Variants in XPO5 observed in about 807,000 individuals in gnomAD.
The protein encoded by XPO5 is exportin-5.
A neutral mutation model predicts 160.6 loss-of-function variants in XPO5; 46 were observed. The ratio of observed to expected loss-of-function variants is 0.29; its 90% CI spans 0.23 to 0.37. The LOEUF is 0.37. Among genes scored for constraint, XPO5 ranks in the 10% least tolerant of loss-of-function variants. The pLI is 1.00. For missense variants in XPO5, 1,090 were observed against 1,463.9 expected (o/e 0.74, Z 4.17); for synonymous variants, 537 against 519.3 (o/e 1.03, Z -0.46).
Position 43,568,720 on chromosome 6 carries a change from C to A in XPO5, c.639G>T (p.Gln213His). ...KYQQVKTDTS[Q>H]ESKAQANCRV... ...TATAAAGAGCTCTTACCTTTGACTC[C>A]TGAGAAGTATCTGTCTTCTGAAAGG... is the stretch of plus-strand genomic sequence containing the variant. The change falls in exon 6 of 32, where the codon CAG (glutamine) becomes CAT (histidine). Residue 213 changes from glutamine to histidine, a missense_variant. Coordinates refer to ENST00000265351, the MANE Select transcript of XPO5 (RefSeq NM_020750.3). 1.9e-6 allele frequency: 3 copies of A among 1,578,322 alleles called. No homozygotes were observed. Among genetic ancestry groups the A allele is most frequent in the Non-Finnish European group, 2.6e-6 (3 of 1,160,136 alleles).
At chr6:43,571,133 A>G in intron 3 of XPO5, 139 bp from the exon 4 acceptor site, 2 of 863,228 alleles carry the variant, frequency 2.3e-6, no homozygotes, top group Non-Finnish European at 1.8e-6. Flanking sequence ...CCTGTTCTTC[A>G]GCCTGAGTCA....
At position 43,575,835 on chromosome 6, in the gene XPO5, G is replaced by A. The variant is rs1201439653; in HGVS notation, c.30C>T (p.Cys10=). Reference sequence around the variant, plus strand: ...CCGTCACCGCTTTCACCAGCTGCTCGCACAGCGCGTTTACTTGATCCATCG... The same window carrying A: ...CCGTCACCGCTTTCACCAGCTGCTCACACAGCGCGTTTACTTGATCCATCG... MAMDQVNAL[C]EQLVKAVTVM... is the part of the protein sequence containing the mutation. Residue 10 remains cysteine (C), a synonymous_variant, in exon 1 of 32, where the codon TGC becomes TGT. Transcript: ENST00000265351. The A allele has an allele frequency of 3.7e-6, 6 of 1,613,738 alleles. No homozygotes were observed. In the African/African-American group the frequency reaches 5.3e-5, roughly 14 times the overall value.
At chr6:43,538,154 T>G (rs1794465912) in intron 20 of XPO5, among the ~76,000 whole-genome samples, 1 of 135,986 alleles carries the variant, frequency 7.4e-6, no homozygotes, top group Non-Finnish European at 1.6e-5. Context: ...TTTTTTTTTT[T>G]TTTTTTTTTT....
intron 28 of XPO5, 68 bp downstream of exon 28, chr6:43,525,771 C>G: frequency 6.6e-7 from 1 of 1,526,452 alleles, no homozygotes; most frequent in Middle Eastern, 1.7e-4. Context: ...CACCATAGAG[C>G]AAGAAAAGTA....
chr6:43,550,681 TTG>T (rs1213319566), intron 15 of XPO5, among the ~76,000 whole-genome samples: 1 of 152,340 alleles, frequency 6.6e-6, no homozygotes, highest in African/African-American at 2.4e-5. Flanking sequence ...AGCCAATTTA[TTG>T]TGAGATGTCT....
chr6:43,568,085 G>C (rs1404547422), intron 6 of XPO5, among the ~76,000 whole-genome samples: 2 of 151,866 alleles, frequency 1.3e-5, no homozygotes, highest in African/African-American at 4.8e-5. Flanking sequence ...GAGGAGGGCG[G>C]ATGATGAGGT....
intron 29 of XPO5, 69 bp from the exon 30 acceptor site, chr6:43,525,037 GA>G: frequency 1.9e-6 from 3 of 1,585,550 alleles, no homozygotes; most frequent in Non-Finnish European, 8.6e-7. Flanking sequence ...CAGTTCTTCT[GA>G]ATGATTTAGT....
At chr6:43,558,039 G>A (rs1243339303) in intron 12 of XPO5, among the ~76,000 whole-genome samples, 3 of 151,416 alleles carry the variant, frequency 2.0e-5, no homozygotes, top group Admixed American at 6.6e-5. Context: ...AGGTTGTGGT[G>A]AGCCGAGATC....
intron 20 of XPO5, among the ~76,000 whole-genome samples, chr6:43,546,058 G>C (rs1258101847): frequency 6.6e-6 from 1 of 152,108 alleles, no homozygotes; most frequent in Non-Finnish European, 1.5e-5. Flanking sequence ...ACTCAGCTTT[G>C]AGAACCAAGG....
Position 43,524,525 on chromosome 6 carries a change from C to T in XPO5, c.3423G>A (p.Val1141=). 6.2e-7 allele frequency: 1 copy of T among 1,613,906 alleles called. No homozygotes were observed. The highest frequency in any genetic ancestry group is 8.5e-7 in the Non-Finnish European group (1 of 1,179,878). ...ATTGGTCCTTTCGGCGCTTGTCAGC[C>T]ACTTTCTGCAGGGAGGGGTTTAAAA... ...CKLLNPSLQK[V]ADKRRKDQFK... is the part of the protein sequence containing the mutation. The change falls in exon 31 of 32, where the codon GTG becomes GTA. Residue 1141 remains valine (V), a synonymous_variant. Transcript: ENST00000265351.
At chr6:43,569,549 C>T (rs1161099679) in intron 5 of XPO5, among the ~76,000 whole-genome samples, 1 of 151,886 alleles carries the variant, frequency 6.6e-6, no homozygotes, top group Non-Finnish European at 1.5e-5. Context: ...GCCTGACCAA[C>T]ATGGTGAAAC....
intron 13 of XPO5, 69 bp from the exon 14 acceptor site, chr6:43,553,572 A>T (rs923771587): frequency 3.3e-6 from 5 of 1,510,484 alleles, no homozygotes; most frequent in Non-Finnish European, 4.4e-6. Flanking sequence ...GAAAGATCGC[A>T]GAAGACACAG....
chr6:43,528,625 G>T (rs1183765818), intron 24 of XPO5, among the ~76,000 whole-genome samples: 1 of 152,156 alleles, frequency 6.6e-6, no homozygotes, highest in South Asian at 2.1e-4. Context: ...AACTGAAGCT[G>T]TCTTGTGGCA....
intron 18 of XPO5, 95 bp downstream of exon 18, chr6:43,548,166 C>T: frequency 8.1e-7 from 1 of 1,240,772 alleles, no homozygotes; most frequent in African/African-American, 1.5e-5. Flanking sequence ...CATCACACTT[C>T]AATATCCTTA....
intron 19 of XPO5, 118 bp from the exon 20 acceptor site, chr6:43,546,870 T>C (rs1794989175): frequency 2.0e-6 from 2 of 1,016,958 alleles, no homozygotes; most frequent in Non-Finnish European, 2.8e-6. Context: ...GAGAATGAAA[T>C]AATCCTCTGC....
chr6:43,551,615 C>CT (rs1242414403), intron 14 of XPO5, among the ~76,000 whole-genome samples, 162 bp from the exon 15 acceptor site: 2 of 152,286 alleles, frequency 1.3e-5, no homozygotes, highest in African/African-American at 4.8e-5. Context: ...ACCTCAAACT[C>CT]TTGAGCTCAA....
chr6:43,531,212 C>T lies in XPO5; in HGVS notation c.2540+267G>A, dbSNP rs79284743. On this transcript the variant is annotated intron_variant, in intron 22 of 31. Coordinates refer to ENST00000265351, the MANE Select transcript of XPO5 (RefSeq NM_020750.3). ...AAGCAATCCCCACCACTTTTAGCTT[C>T]GACTTGGGTTTCATCATTTTATACA... 0.033 allele frequency among the ~76,000 whole-genome samples: 4,988 copies of T among 150,684 alleles called. 266 individuals carry two copies. Among genetic ancestry groups the T allele is most frequent in the African/African-American group, 0.11 (4,614 of 41,416 alleles).
chr6:43,525,206 A>G lies in XPO5; in HGVS notation c.3075T>C (p.Cys1025=). Residue 1025 remains cysteine (C), a synonymous_variant, in exon 29 of 32, where the codon TGT becomes TGC. Coordinates refer to ENST00000265351, the MANE Select transcript of XPO5 (RefSeq NM_020750.3). The part of the protein sequence containing the change: ...GKCLMKHEDV[C]TALLITAFNS... The stretch of plus-strand genomic sequence containing the variant: ...TGAAGGCTGTAATTAATAGCGCTGT[A>G]CAAACATCCTGAACAGGAAAAGATG... 6.3e-7 allele frequency: 1 copy of G among 1,575,600 alleles called. No homozygotes were observed. The highest frequency in any genetic ancestry group is 8.6e-7 in the Non-Finnish European group (1 of 1,159,592).
intron 12 of XPO5, among the ~76,000 whole-genome samples, chr6:43,556,482 C>T (rs1335061366): frequency 1.4e-5 from 2 of 146,636 alleles, no homozygotes; most frequent in Non-Finnish European, 3.0e-5. Flanking sequence ...GCCATGATCG[C>T]AGCACCACTC....
Sources: allele counts gnomAD v4.1 joint callset (sites outside exome capture counted in the v4.1 genomes callset), GRCh38; gene constraint gnomAD v4.1.1; transcripts MANE v1.5; gene names NCBI Gene and HGNC (gene_info 2026-07-23, HGNC 2026-07-21).